The following TUBGCP5 variants were observed in gnomAD, a reference collection of about 807,000 sequenced individuals.
The protein encoded by TUBGCP5 is tubulin gamma complex component 5, also known as gamma-tubulin complex component 5.
In TUBGCP5, 98 loss-of-function variants were observed where a neutral mutation model predicts 134.7. The observed-to-expected ratio is 0.73, with a 90% CI of 0.62 to 0.86. The LOEUF (loss-of-function observed/expected upper bound fraction) is 0.86, where lower values mean the gene tolerates loss of function less well. TUBGCP5 is among the 40% of genes least tolerant of loss of function. The pLI, the probability that TUBGCP5 is intolerant of heterozygous loss-of-function variation, is 0.00. For missense variants in TUBGCP5, 1,150 were observed against 1,244.8 expected (o/e 0.92, Z 1.15); for synonymous variants, 456 against 431.4 (o/e 1.06, Z -0.71).
chr15:23,015,974 T>C (rs2065289865), intron 13 of TUBGCP5, among the ~76,000 whole-genome samples: 1 of 151,988 alleles, frequency 6.6e-6, no homozygotes, highest in Non-Finnish European at 1.5e-5. Context: ...ACATGACACC[T>C]CCCAAGAAAA....
chr15:23,023,332 A>AT (rs2065812230), intron 10 of TUBGCP5: 1 of 144,858 alleles, frequency 6.9e-6, no homozygotes. Context: ...TCCGTCTCAA[A>AT]TGAAAAAAAA....
downstream of TUBGCP5, among the ~76,000 whole-genome samples, chr15:22,995,491 G>A (rs1330826326): frequency 1.3e-5 from 2 of 149,458 alleles, no homozygotes; most frequent in Non-Finnish European, 3.0e-5. Context: ...GGGATGTGCT[G>A]CTAGGAAAGT....
intron 15 of TUBGCP5, among the ~76,000 whole-genome samples, chr15:23,009,346 G>A (rs889646240): frequency 1.3e-5 from 2 of 151,160 alleles, no homozygotes; most frequent in Non-Finnish European, 2.9e-5. Context: ...TCAGCTCACT[G>A]CAAGCTCTGC....
rs530211145 is a variant in TUBGCP5 at position 23,006,921 on chromosome 15, TTAA to T, written c.2328-572_2328-570del. On this transcript the variant is annotated intron_variant, in intron 16 of 22. Coordinates refer to ENST00000615383, the MANE Select transcript of TUBGCP5 (RefSeq NM_052903.6). Reference sequence around the variant, plus strand: ...GCACTATTATGTGTCCTTAGCTCATTTAATCCTCAAAATACTCCCATCAGTGGT... The same window carrying T: ...GCACTATTATGTGTCCTTAGCTCATTTCCTCAAAATACTCCCATCAGTGGT... 1.5e-3 allele frequency among the ~76,000 whole-genome samples: 234 copies of T among 152,268 alleles called. 6 individuals are homozygous for T. Among genetic ancestry groups the T allele is most frequent in the Non-Finnish European group, 2.1e-3 (142 of 68,018 alleles).
rs1448967482 is a variant in TUBGCP5, at chr15:23,031,943, C to T, written c.486+7G>A. 98 of 1,594,196 alleles carry T rather than the reference C, an allele frequency of 6.1e-5. No individual in the cohort carries two copies. In the Admixed American group the frequency reaches 8.2e-4, roughly 13 times the overall value. ...CAATTTTCAATAGCAAAACTACTAC[C>T]ACTTACTGGTGTGTCCATGTACGGA... On this transcript the variant is annotated splice_region_variant and intron_variant, in intron 5 of 22. Coordinates refer to ENST00000615383, the MANE Select transcript of TUBGCP5 (RefSeq NM_052903.6).
Position 23,017,897 on chromosome 15 carries a change from C to A in TUBGCP5, c.1632G>T (p.Arg544Ser). Reference protein sequence around the residue: ...SSGSDQGPSSRQHTMVSFLKP... With the variant: ...SSGSDQGPSSSQHTMVSFLKP... ...TGAGGAAGGACACCATGGTGTGCTG[C>A]CTGCTGGAGGGCCCCTGGTCACTGC... Residue 544 changes from arginine (R) to serine (S), a missense_variant, in exon 13 of 23, where the codon AGG becomes AGT. Arg to Ser is a moderately radical substitution (Grantham distance 110). Coordinates refer to ENST00000615383, the MANE Select transcript of TUBGCP5 (RefSeq NM_052903.6). 6.2e-7 allele frequency: 1 copy of A among 1,614,158 alleles called. No homozygotes were observed. Among genetic ancestry groups the A allele is most frequent in the African/African-American group, 1.3e-5 (1 of 75,034 alleles).
chr15:23,016,986 A>ATATATATATATATATG lies in TUBGCP5; in HGVS notation c.1756+786_1756+787insCATATATATATATATA, dbSNP rs373904143. 2.0e-4 allele frequency among the ~76,000 whole-genome samples: 27 copies of ATATATATATATATATG among 138,310 alleles called. 1 individual carries two copies. The highest frequency in any genetic ancestry group is 3.0e-4 in the Non-Finnish European group (19 of 63,300). 90.7% of individuals were successfully genotyped at this position (138,310 alleles called of 152,430 possible). ...AATTGTGAGATATATATATATATAT[A>ATATATATATATATATG]TGTATATATCTTGAAGATAAAAGAG... is the stretch of plus-strand genomic sequence containing the variant. On this transcript the variant is annotated intron_variant, in intron 13 of 22. Transcript: ENST00000615383.
In TUBGCP5 at chr15:23,011,227, T is replaced by C; in HGVS notation, c.1861A>G (p.Thr621Ala). The C allele has an allele frequency of 6.2e-7, 1 of 1,613,950 alleles. No individual in the cohort carries two copies. Among genetic ancestry groups the C allele is most frequent in the East Asian group, 2.2e-5 (1 of 44,882 alleles). The change falls in exon 14 of 23, where the codon ACC becomes GCC. Residue 621 changes from threonine (T) to alanine (A), a missense_variant. Physicochemically the swap from Thr to Ala is moderately conservative, Grantham distance 58. This residue lies in a region of TUBGCP5 where 697 missense variants were observed against 850.1 expected (regional missense o/e 0.82). Transcript: ENST00000615383. ...TGCATCTTCATCAGGTTCTCCTTGG[T>C]TGCCTGTTGCTCAGTAAGAACCTGT... ...TPQVLTEQQA[T>A]KENLMKMQSI...
Position 23,027,229 on chromosome 15 carries a change from G to C in TUBGCP5, c.700C>G (p.His234Asp), listed in dbSNP as rs370426563. 13 of 1,613,840 alleles carry C rather than the reference G, an allele frequency of 8.1e-6. No homozygotes were observed. Among genetic ancestry groups the C allele is most frequent in the Non-Finnish European group, 1.1e-5 (13 of 1,179,958 alleles). Residue 234 changes from histidine (H) to aspartate (D), a missense_variant, in exon 7 of 23, where the codon CAT (histidine) becomes GAT (aspartate). Around this residue, in one of 2 missense-constraint regions of TUBGCP5, gnomAD observed 453 missense variants for 394.7 expected, o/e 1.15. Transcript: ENST00000615383. ...AAATTAGAGTGCAAATGTAAACTAT[G>C]AGGAAACTGGGAGGGCCTGGCTGTC... ...YWTARPSQFPHSLHLHSNLAA... is the reference protein window; with the variant it reads ...YWTARPSQFPDSLHLHSNLAA...
intron 3 of TUBGCP5, among the ~76,000 whole-genome samples, chr15:23,035,580 C>A (rs2066545641): frequency 6.6e-6 from 1 of 152,120 alleles, no homozygotes; most frequent in South Asian, 2.1e-4. Context: ...TCTAATGCCA[C>A]CGCTGATCTG....
At chr15:23,038,335 T>C (rs1220903159) in intron 1 of TUBGCP5, among the ~76,000 whole-genome samples, 6 of 152,202 alleles carry the variant, frequency 3.9e-5, no homozygotes, top group Admixed American at 1.3e-4. Context: ...ATGAAAATAG[T>C]AACCTCCAAC....
intron 16 of TUBGCP5, among the ~76,000 whole-genome samples, chr15:23,007,748 GTAAA>G (rs1238023552): frequency 4.6e-5 from 7 of 152,202 alleles, no homozygotes; most frequent in Admixed American, 1.3e-4. Flanking sequence ...GAGCCAGACA[GTAAA>G]TAGCTTTCTC....
In TUBGCP5 at chr15:23,022,057, G is replaced by T; in HGVS notation, c.1273C>A (p.Pro425Thr). The change falls in exon 11 of 23, where the codon CCT becomes ACT. Residue 425 changes from proline (P) to threonine (T), a missense_variant. Physicochemically the swap from Pro to Thr is conservative, Grantham distance 38. This residue lies in a region of TUBGCP5 where 697 missense variants were observed against 850.1 expected (regional missense o/e 0.82). Coordinates refer to ENST00000615383, the MANE Select transcript of TUBGCP5 (RefSeq NM_052903.6). Reference protein sequence around the residue: ...VFSTGVAEVPPDTRNVVRASH... With the variant: ...VFSTGVAEVPTDTRNVVRASH... ...GCCCGGACGACATTTCGAGTATCAG[G>T]TGGAACTTCTGCTACTCCAGTACTA... 6.2e-7 allele frequency: 1 copy of T among 1,614,148 alleles called. No individual in the cohort carries two copies. Among genetic ancestry groups the T allele is most frequent in the South Asian group, 1.1e-5 (1 of 91,088 alleles).
At chr15:23,032,916 C>T in intron 3 of TUBGCP5, 92 bp from the exon 4 acceptor site, 1 of 909,492 alleles carries the variant, frequency 1.1e-6, no homozygotes, top group Non-Finnish European at 1.6e-6. Flanking sequence ...CAGTTATGTC[C>T]CCAATTTTTT....
intron 23 of TUBGCP5, among the ~76,000 whole-genome samples, chr15:22,994,123 T>C (rs1176201374): frequency 1.3e-5 from 2 of 151,772 alleles, no homozygotes; most frequent in African/African-American, 2.4e-5. Context: ...AGTTTTGCTC[T>C]TGTTGCCCAG....
chr15:22,998,131 A>G (rs2064179877), downstream of TUBGCP5, among the ~76,000 whole-genome samples: 1 of 151,824 alleles, frequency 6.6e-6, no homozygotes, highest in African/African-American at 2.4e-5. Context: ...TCTGGCCAAC[A>G]AGGTGAAACC....
At chr15:23,000,763 G>T (rs1206318002) in intron 21 of TUBGCP5, 94 bp from the exon 22 acceptor site, 5 of 933,710 alleles carry the variant, frequency 5.4e-6, no homozygotes, top group African/African-American at 1.7e-5. Context: ...ATGTATTTTG[G>T]TTTAATTATT....
chr15:23,033,309 G>A (rs538369142), intron 3 of TUBGCP5, among the ~76,000 whole-genome samples: 8 of 150,642 alleles, frequency 5.3e-5, no homozygotes, highest in South Asian at 4.2e-4. Context: ...ATGGATTTTC[G>A]CTCTGTCGCC....
At chr15:22,993,392 C>A (rs2063917063) in intron 23 of TUBGCP5, among the ~76,000 whole-genome samples, 1 of 149,718 alleles carries the variant, frequency 6.7e-6, no homozygotes, top group Admixed American at 6.7e-5. Context: ...GCCACCGCGC[C>A]CAGCTGGAAA....
Sources: allele counts gnomAD v4.1 joint callset (sites outside exome capture counted in the v4.1 genomes callset), GRCh38; gene constraint gnomAD v4.1.1; regional missense constraint gnomAD v4.1.1; transcripts MANE v1.5; gene names NCBI Gene and HGNC (gene_info 2026-07-23, HGNC 2026-07-21).